Variants in DCBLD1 observed in about 807,000 individuals in gnomAD.
DCBLD1 encodes discoidin, CUB and LCCL domain-containing protein 1.
A neutral mutation model predicts 71.5 loss-of-function variants in DCBLD1; 57 were observed. That is an observed-to-expected ratio of 0.80 (90% CI 0.64 to 0.99). The LOEUF is 0.99. Ranked by LOEUF, DCBLD1 falls within the 50% of genes least tolerant of loss-of-function variation. DCBLD1 has a pLI of 0.00. For synonymous variants in DCBLD1, 380 were observed against 363.8 expected (o/e 1.04, Z -0.51); for missense variants, 891 against 923.5 (o/e 0.96, Z 0.46).
chr6:117,483,774 G>A (rs996780736), intron 1 of DCBLD1, among the ~76,000 whole-genome samples: 7 of 151,542 alleles, frequency 4.6e-5, no homozygotes, highest in African/African-American at 1.7e-4. Context: ...CCTTGCTCCT[G>A]GCCGTATATG....
chr6:117,562,096 T>G (rs994095651), intron 14 of DCBLD1: 10 of 205,906 alleles, frequency 4.9e-5, no homozygotes, highest in Non-Finnish European at 8.9e-5. Context: ...TACAATGACC[T>G]GCAGAATATT....
At chr6:117,560,386 AAT>A (rs1354697500) in intron 14 of DCBLD1, 2 of 184,986 alleles carry the variant, frequency 1.1e-5, no homozygotes, top group African/African-American at 4.7e-5. Flanking sequence ...AACTAGATAT[AAT>A]ACATTATCAT....
intron 5 of DCBLD1, 21 bp downstream of exon 5, chr6:117,525,455 G>A (rs1032415876): frequency 1.4e-6 from 2 of 1,443,742 alleles, no homozygotes; most frequent in East Asian, 2.6e-5. Context: ...GAGGGTAATG[G>A]CAGAGAATGA....
chr6:117,500,662 C>T (rs1582974857), intron 1 of DCBLD1, among the ~76,000 whole-genome samples: 2 of 152,118 alleles, frequency 1.3e-5, no homozygotes, highest in African/African-American at 4.8e-5. Context: ...GTCAGGAGAT[C>T]GAGACCATCC....
At chr6:117,551,763 C>T (rs535567380), downstream of DCBLD1, among the ~76,000 whole-genome samples, 1 of 152,268 alleles carries the variant, frequency 6.6e-6, no homozygotes, top group African/African-American at 2.4e-5. Flanking sequence ...TCATAATAGA[C>T]AGGTTTTCTT....
chr6:117,484,260 A>G (rs1225827301), intron 1 of DCBLD1, among the ~76,000 whole-genome samples: 1 of 152,216 alleles, frequency 6.6e-6, no homozygotes, highest in African/African-American at 2.4e-5. Flanking sequence ...TAGATTTTGT[A>G]TGGTCATCCA....
Position 117,532,244 on chromosome 6 carries a change from T to G in DCBLD1, c.586-16T>G. On this transcript the variant is annotated splice_polypyrimidine_tract_variant and intron_variant, in intron 5 of 14. Transcript: ENST00000338728. ...TGTTCTTTTAAGTTCTGCATAATGA[T>G]GTTGCTGTGTTTCAGACCTCTTTAT... 1 of 1,581,454 alleles carries G rather than the reference T, an allele frequency of 6.3e-7. No individual in the cohort carries two copies. The highest frequency in any genetic ancestry group is 2.0e-5 in the Admixed American group (1 of 50,082).
In DCBLD1 at chr6:117,548,104, G is replaced by A. The variant is rs932429910; in HGVS notation, c.1813G>A (p.Val605Met). 4.5e-6 allele frequency: 7 copies of A among 1,549,602 alleles called. No individual in the cohort carries two copies. The highest frequency in any genetic ancestry group is 4.4e-6 in the Non-Finnish European group (5 of 1,146,470). Reference sequence around the variant, plus strand: ...GGAGCCCGAGTACGCCACGCCCATCGTGGAGCGGCACGTGCTGCGCGCCCA... The same window carrying A: ...GGAGCCCGAGTACGCCACGCCCATCATGGAGCGGCACGTGCTGCGCGCCCA... ...PPEPEYATPI[V>M]ERHVLRAHTF... The change falls in exon 15 of 15, where the codon GTG becomes ATG. Residue 605 changes from valine to methionine, a missense_variant. Physicochemically the swap from Val to Met is conservative, Grantham distance 21. Transcript: ENST00000338728.
intron 1 of DCBLD1, chr6:117,503,522 G>A: frequency 2.0e-6 from 1 of 494,048 alleles, no homozygotes; most frequent in African/African-American, 1.9e-5. Flanking sequence ...TGTTTCCTAA[G>A]GGCTTTCCGT....
At chr6:117,539,413 T>C (rs1242581953) in intron 9 of DCBLD1, 34 bp downstream of exon 9, 5 of 1,572,316 alleles carry the variant, frequency 3.2e-6, no homozygotes, top group East Asian at 2.3e-5. Flanking sequence ...GAGAACTGAG[T>C]AGGAGAACAG....
At position 117,549,731 on chromosome 6, in the gene DCBLD1, G is replaced by A. The variant is rs1232901237; in HGVS notation, c.*1292G>A. 1 of 985,292 alleles carries A rather than the reference G, an allele frequency of 1.0e-6. No individual in the cohort carries two copies. Among genetic ancestry groups the A allele is most frequent in the African/African-American group, 1.7e-5 (1 of 57,212 alleles). 61.0% of individuals were successfully genotyped at this position (985,292 alleles called of 1,614,324 possible). A position where few individuals can be genotyped will look rare whatever the true frequency, so the allele number is the denominator to read the frequency against. On this transcript the variant is annotated 3_prime_UTR_variant, in exon 15 of 15. Coordinates refer to ENST00000338728, the MANE Select transcript of DCBLD1 (RefSeq NM_001366458.2). Reference sequence around the variant, plus strand: ...CTGCTGGTTAGTGTGGAGGGGAAATGGTTTACTTTGTAGAGTTTACATGGT... The same window carrying A: ...CTGCTGGTTAGTGTGGAGGGGAAATAGTTTACTTTGTAGAGTTTACATGGT...
intron 7 of DCBLD1, among the ~76,000 whole-genome samples, chr6:117,537,767 C>G (rs1411435085): frequency 6.7e-6 from 1 of 149,480 alleles, no homozygotes; most frequent in Non-Finnish European, 1.5e-5. Flanking sequence ...ACTTCAGCCA[C>G]CCTCACCAAA....
intron 14 of DCBLD1, among the ~76,000 whole-genome samples, chr6:117,564,012 C>T (rs529777002): frequency 1.4e-5 from 2 of 147,712 alleles, no homozygotes; most frequent in South Asian, 4.3e-4. Context: ...GGGTCTCACT[C>T]TATTGCCCAG....
Position 117,540,814 on chromosome 6 carries a change from A to G in DCBLD1, c.1248A>G (p.Gln416=), listed in dbSNP as rs775105074. The G allele has an allele frequency of 6.2e-7, 1 of 1,614,168 alleles. No homozygotes were observed. The highest frequency in any genetic ancestry group is 1.1e-5 in the South Asian group (1 of 91,076). Residue 416 remains glutamine (Q), a splice_region_variant and synonymous_variant, in exon 10 of 15, where the codon CAA becomes CAG. Transcript: ENST00000338728. ...KVELIGCQIT[Q]GNDSLVWRKT... is the part of the protein sequence containing the mutation. ...AGCTCATTGGTTGCCAGATTACACA[A>G]GGTAGGGCTCAGGGCAAGCCAGTGA...
intron 2 of DCBLD1, among the ~76,000 whole-genome samples, chr6:117,514,176 G>C (rs1180090775): frequency 2.6e-5 from 4 of 152,140 alleles, no homozygotes; most frequent in African/African-American, 9.7e-5. Context: ...TCGTCTGTCA[G>C]ACCTTGAGAC....
chr6:117,561,401 G>C (rs1779581631), intron 14 of DCBLD1: 1 of 223,900 alleles, frequency 4.5e-6, no homozygotes, highest in South Asian at 1.8e-4. Context: ...TCCATCCCAG[G>C]CTGTGTTTTA....
rs1779240327 is a variant in DCBLD1 at position 117,545,589 on chromosome 6, A to G, written c.1607A>G (p.Asp536Gly). ...CAAAAGTTAGATCTCATCACAAGTGATATGGCAGGTAAGTGTCATATTTCT... is the reference window on the plus strand; with the variant it reads ...CAAAAGTTAGATCTCATCACAAGTGGTATGGCAGGTAAGTGTCATATTTCT... Reference protein sequence around the residue: ...MTQKLDLITSDMADYQQPLMI... With the variant: ...MTQKLDLITSGMADYQQPLMI... The change falls in exon 14 of 15, where the codon GAT becomes GGT. Residue 536 changes from aspartate (D) to glycine (G), a missense_variant. By Grantham distance (94) the Asp-to-Gly change is moderately conservative. Coordinates refer to ENST00000338728, the MANE Select transcript of DCBLD1 (RefSeq NM_001366458.2). 1 of 1,613,708 alleles carries G rather than the reference A, an allele frequency of 6.2e-7. No homozygotes were observed. Among genetic ancestry groups the G allele is most frequent in the African/African-American group, 1.3e-5 (1 of 74,914 alleles).
At chr6:117,552,754 C>T (rs1779447987), downstream of DCBLD1, among the ~76,000 whole-genome samples, 1 of 152,138 alleles carries the variant, frequency 6.6e-6, no homozygotes, top group Non-Finnish European at 1.5e-5. Context: ...CACACATGTC[C>T]ACATTCTTGT....
In DCBLD1 at chr6:117,539,304, G is replaced by C. The variant is rs1779009837; in HGVS notation, c.1026G>C (p.Lys342Asn). The C allele has an allele frequency of 2.5e-6, 4 of 1,607,828 alleles. No individual in the cohort carries two copies. The highest frequency in any genetic ancestry group is 3.4e-6 in the Non-Finnish European group (4 of 1,178,110). ...STQSNFNFYVKSFVMNFKNNN... is the reference protein window; with the variant it reads ...STQSNFNFYVNSFVMNFKNNN... ...AGTCGAACTTCAACTTTTATGTTAA[G>C]AGTTTTGTGATGAACTTCAAAAACA... The change falls in exon 9 of 15, where the codon AAG (lysine) becomes AAC (asparagine). Residue 342 changes from lysine (K) to asparagine (N), a missense_variant. By Grantham distance (94) the Lys-to-Asn change is moderately conservative. Coordinates refer to ENST00000338728, the MANE Select transcript of DCBLD1 (RefSeq NM_001366458.2).
Sources: allele counts gnomAD v4.1 joint callset (sites outside exome capture counted in the v4.1 genomes callset), GRCh38; gene constraint gnomAD v4.1.1; transcripts MANE v1.5; gene names NCBI Gene and HGNC (gene_info 2026-07-23, HGNC 2026-07-21).